Variants in BPIFA1 observed in about 807,000 individuals in gnomAD.
BPIFA1 encodes BPI fold containing family A member 1.
BPIFA1 carries 24 observed loss-of-function variants against 25.1 expected under a neutral mutation model. The ratio of observed to expected loss-of-function variants is 0.96; its 90% CI spans 0.69 to 1.35. The LOEUF (loss-of-function observed/expected upper bound fraction) is 1.35. Among genes scored for constraint, BPIFA1 ranks in the 40% most tolerant of loss-of-function variants. The probability of loss-of-function intolerance (pLI) is 0.00; values close to 1 mark genes in which losing one functional copy is unlikely to be tolerated. For missense variants in BPIFA1, 344 were observed against 303.7 expected (o/e 1.13, Z -0.99); for synonymous variants, 139 against 131.8 (o/e 1.05, Z -0.37).
rs759939799 is a variant in BPIFA1 at position 33,242,500 on chromosome 20, C to T, written c.744C>T (p.His248=). The T allele has an allele frequency of 1.2e-5, 20 of 1,614,128 alleles. No homozygotes were observed. Among genetic ancestry groups the T allele is most frequent in the Middle Eastern group, 1.7e-4 (1 of 6,060 alleles). The change falls in exon 8 of 9, where the codon CAC becomes CAT. Residue 248 remains histidine (H), a synonymous_variant. Transcript: ENST00000354297. ...TTGTTTGTTTAGACATGCTGATCCA[C>T]GGACTACAGTTTGTCATCAAGGTCT... ...LVHDIVNMLI[H]GLQFVIKV
chr20:33,241,534 C>A, intron 6 of BPIFA1, 65 bp downstream of exon 6: 2 of 1,444,370 alleles, frequency 1.4e-6, no homozygotes, highest in Non-Finnish European at 1.9e-6. Context: ...TAAAACAAAG[C>A]CCTGAGCTAA....
At chr20:33,241,606 T>C (rs1978983253) in intron 6 of BPIFA1, 137 bp downstream of exon 6, 3 of 768,052 alleles carry the variant, frequency 3.9e-6, no homozygotes, top group African/African-American at 3.4e-5. Flanking sequence ...TGTCCATTGA[T>C]CCATCTGTCC....
In BPIFA1 at chr20:33,240,354, C is replaced by T. The variant is rs760495146; in HGVS notation, c.550C>T (p.Pro184Ser). The change falls in exon 5 of 9, where the codon CCT (proline) becomes TCT (serine). Residue 184 changes from proline (P) to serine (S), a missense_variant. Pro to Ser is a moderately conservative substitution (Grantham distance 74, BLOSUM62 -1). Transcript: ENST00000354297. ...HLVLGDCTHS[P>S]GSLQISLLDG... ...GGTCCTTGGTGACTGCACCCATTCC[C>T]CTGGAAGCCTGCAAATTTCTCTGCT... 1.9e-6 allele frequency: 3 copies of T among 1,613,966 alleles called. No homozygotes were observed. Among genetic ancestry groups the T allele is most frequent in the African/African-American group, 1.3e-5 (1 of 74,882 alleles).
chr20:33,240,674 GATAGATAGATAGATAAA>G (rs1408753127), intron 5 of BPIFA1, among the ~76,000 whole-genome samples: 1 of 148,210 alleles, frequency 6.7e-6, no homozygotes, highest in African/African-American at 2.7e-5. Flanking sequence ...TAGATAGATA[GATAGATAGATAGATAAA>G]GTAGTACTTA....
At chr20:33,239,295 G>T (rs573809650) in intron 3 of BPIFA1, among the ~76,000 whole-genome samples, 1 of 152,184 alleles carries the variant, frequency 6.6e-6, no homozygotes. Context: ...ACCTGACAGG[G>T]TGAGTGATTC....
In BPIFA1 at chr20:33,239,978, C is replaced by T. The variant is rs914267502; in HGVS notation, c.428+68C>T. 8 of 1,505,334 alleles carry T rather than the reference C, an allele frequency of 5.3e-6. No individual in the cohort carries two copies. The East Asian group carries it at 9.0e-5, about 17-fold the overall frequency. 93.2% of individuals were successfully genotyped at this position (1,505,334 alleles called of 1,614,324 possible). A position where few individuals can be genotyped will look rare whatever the true frequency, so the allele number is the denominator to read the frequency against. ...GGAGACCCTGGTGACCATGGTTAAC[C>T]ATAACGGGGGTATTGGAGTCTAACA... On this transcript the variant is annotated intron_variant, in intron 4 of 8. Transcript: ENST00000354297.
Position 33,242,529 on chromosome 20 carries a change from C to G in BPIFA1, c.*2C>G, listed in dbSNP as rs1979032701. 6.2e-7 allele frequency: 1 copy of G among 1,613,932 alleles called. No homozygotes were observed. Among genetic ancestry groups the G allele is most frequent in the South Asian group, 1.1e-5 (1 of 91,084 alleles). On this transcript the variant is annotated 3_prime_UTR_variant, in exon 8 of 9. Transcript: ENST00000354297. ...CTACAGTTTGTCATCAAGGTCTAAG[C>G]CTTCCAGGAAGGGGCTGGCCTCTGC...
chr20:33,242,156 C>A (rs1417505318), intron 7 of BPIFA1, 37 bp downstream of exon 7: 1 of 1,601,322 alleles, frequency 6.2e-7, no homozygotes, highest in Non-Finnish European at 8.6e-7. Flanking sequence ...TCCCTCTCTG[C>A]AGGAGCAGCA....
chr20:33,237,422 G>A (rs1198511089), intron 1 of BPIFA1, among the ~76,000 whole-genome samples: 1 of 152,170 alleles, frequency 6.6e-6, no homozygotes, highest in Non-Finnish European at 1.5e-5. Flanking sequence ...TGGTGGAGTG[G>A]GGCTGTCTCC....
intron 6 of BPIFA1, 111 bp downstream of exon 6, chr20:33,241,580 C>T (rs779341757): frequency 6.5e-5 from 58 of 890,324 alleles, no homozygotes; most frequent in Non-Finnish European, 1.0e-4. Context: ...AAGTAACTTC[C>T]ATTCATCAAT....
Position 33,242,103 on chromosome 20 carries a change from G to C in BPIFA1, c.714G>C (p.Leu238=), listed in dbSNP as rs1979005766. Residue 238 remains leucine (L), a synonymous_variant, in exon 7 of 9, where the codon CTG becomes CTC. Transcript: ENST00000354297. ...NEVLRGLDIT[L]VHDIVNMLIH... ...TTCTCAGAGGCTTGGACATCACCCT[G>C]GTGCATGACATTGTTAGTAAGTACC... 1 of 1,614,086 alleles carries C rather than the reference G, an allele frequency of 6.2e-7. No homozygotes were observed. The highest frequency in any genetic ancestry group is 8.5e-7 in the Non-Finnish European group (1 of 1,180,002).
chr20:33,236,481 C>T (rs986312176), intron 1 of BPIFA1, among the ~76,000 whole-genome samples: 10 of 152,194 alleles, frequency 6.6e-5, no homozygotes, highest in African/African-American at 2.4e-4. Flanking sequence ...AAGGGCACAA[C>T]TGGCTCTTTG....
intron 3 of BPIFA1, among the ~76,000 whole-genome samples, chr20:33,238,695 C>A (rs1978815415): frequency 6.6e-6 from 1 of 152,176 alleles, no homozygotes; most frequent in East Asian, 1.9e-4. Flanking sequence ...ACCTGCCCAC[C>A]TTGATGATAT....
chr20:33,242,335 TAGA>T (rs1979020236), intron 7 of BPIFA1, 149 bp from the exon 8 acceptor site: 4 of 1,044,138 alleles, frequency 3.8e-6, no homozygotes, highest in Non-Finnish European at 5.7e-6. Context: ...GGCTGGTTGG[TAGA>T]AGGAGGCCTG....
chr20:33,239,835 T>C lies in BPIFA1; in HGVS notation c.353T>C (p.Leu118Pro). Residue 118 changes from leucine to proline, a missense_variant, in exon 4 of 9, where the codon CTT becomes CCT. By Grantham distance (98) the Leu-to-Pro change is moderately conservative. Coordinates refer to ENST00000354297, the MANE Select transcript of BPIFA1 (RefSeq NM_130852.3). ...GTCACTGACCCCCAGCTGCTGGAAC[T>C]TGGCCTTGTGCAGAGCCCTGATGGC... Reference protein sequence around the residue: ...IKVTDPQLLELGLVQSPDGHR... With the variant: ...IKVTDPQLLEPGLVQSPDGHR... 6.2e-7 allele frequency: 1 copy of C among 1,614,226 alleles called. No homozygotes were observed. The highest frequency in any genetic ancestry group is 8.5e-7 in the Non-Finnish European group (1 of 1,180,020).
chr20:33,238,282 G>GGCAGTGACCCTGAA (rs36225274), intron 3 of BPIFA1, 68 bp downstream of exon 3: 6 of 1,529,364 alleles, frequency 3.9e-6, no homozygotes, highest in Admixed American at 1.9e-5. Flanking sequence ...GCCAGCCCCA[G>GGCAGTGACCCTGAA]GCAGTGACCC....
chr20:33,239,909 A>G lies in BPIFA1; in HGVS notation c.427A>G (p.Thr143Ala). 1 of 1,612,898 alleles carries G rather than the reference A, an allele frequency of 6.2e-7. No individual in the cohort carries two copies. Among genetic ancestry groups the G allele is most frequent in the Non-Finnish European group, 8.5e-7 (1 of 1,178,840 alleles). Residue 143 changes from threonine to alanine, a missense_variant and splice_region_variant, in exon 4 of 9, where the codon ACG becomes GCG. By Grantham distance (58) the Thr-to-Ala change is moderately conservative. Transcript: ENST00000354297. Reference protein sequence around the residue: ...IPLGIKLQVNTPLVGASLLRL... With the variant: ...IPLGIKLQVNAPLVGASLLRL... ...TCTCGGCATAAAGCTCCAAGTGAAT[A>G]CGTGAGTGGGTCCCAAGAGGGGGTG...
In BPIFA1 at chr20:33,239,858, G is replaced by C; in HGVS notation, c.376G>C (p.Gly126Arg). 6.2e-7 allele frequency: 1 copy of C among 1,614,242 alleles called. No individual in the cohort carries two copies. Among genetic ancestry groups the C allele is most frequent in the Non-Finnish European group, 8.5e-7 (1 of 1,180,036 alleles). ...LELGLVQSPD[G>R]HRLYVTIPLG... ...ACTTGGCCTTGTGCAGAGCCCTGAT[G>C]GCCACCGTCTCTATGTCACCATCCC... Residue 126 changes from glycine (G) to arginine (R), a missense_variant, in exon 4 of 9, where the codon GGC becomes CGC. By Grantham distance (125) the Gly-to-Arg change is moderately radical. Transcript: ENST00000354297.
chr20:33,236,981 C>A (rs1378576442), intron 1 of BPIFA1, among the ~76,000 whole-genome samples: 3 of 152,158 alleles, frequency 2.0e-5, no homozygotes, highest in Non-Finnish European at 2.9e-5. Context: ...ACCATCATGG[C>A]CTGAGCTCAG....
Sources: gnomAD v4.1 joint callset for allele counts (sites outside exome capture counted in the v4.1 genomes callset) on GRCh38, gnomAD v4.1.1 for gene constraint, MANE v1.5 for transcripts, NCBI Gene and HGNC (gene_info 2026-07-23, HGNC 2026-07-21) for gene names.